The following TRPM3 variants were observed in gnomAD, a reference collection of about 807,000 sequenced individuals.
TRPM3 encodes long transient receptor potential channel 3.
In TRPM3, 77 loss-of-function variants were observed where a neutral mutation model predicts 181.2. The ratio of observed to expected loss-of-function variants is 0.42; its 90% CI spans 0.35 to 0.51. The LOEUF is 0.51. Ranked by LOEUF, TRPM3 falls within the 20% of genes least tolerant of loss-of-function variation. The pLI, the probability that TRPM3 is intolerant of heterozygous loss-of-function variation, is 0.01. For missense variants in TRPM3, 1,759 were observed against 2,196.7 expected (o/e 0.80, Z 3.98); for synonymous variants, 745 against 796.4 (o/e 0.94, Z 1.09).
rs1587924250 is a variant in TRPM3 at position 70,530,956 on chromosome 9, C to T, written c.*4997G>A. 1 of 152,164 alleles carries T rather than the reference C, an allele frequency of 6.6e-6. No homozygotes were observed. Among genetic ancestry groups the T allele is most frequent in the Non-Finnish European group, 1.5e-5 (1 of 68,020 alleles). 9.4% of individuals were successfully genotyped at this position (152,164 alleles called of 1,614,324 possible). A position where few individuals can be genotyped will look rare whatever the true frequency, so the allele number is the denominator to read the frequency against. ...AAAGAGTAAACTCTTTAGAACCACC[C>T]AGTGCTTCATCAGACACCCAAACAC... On this transcript the variant is annotated 3_prime_UTR_variant, in exon 26 of 26. Coordinates refer to ENST00000677713, the MANE Select transcript of TRPM3 (RefSeq NM_001366145.2).
intron 1 of TRPM3, among the ~76,000 whole-genome samples, chr9:71,350,282 A>G (rs549553192): frequency 6.6e-6 from 1 of 152,194 alleles, no homozygotes; most frequent in Non-Finnish European, 1.5e-5. Context: ...AATCATGACA[A>G]CAGAACTGTA....
intron 1 of TRPM3, among the ~76,000 whole-genome samples, chr9:71,333,541 T>A (rs1246852812): frequency 2.0e-5 from 3 of 152,004 alleles, no homozygotes; most frequent in Non-Finnish European, 4.4e-5. Flanking sequence ...AGTTGCCCTG[T>A]GGGGAGGCCC....
chr9:71,357,599 G>A (rs1287950446), intron 1 of TRPM3, among the ~76,000 whole-genome samples: 1 of 152,000 alleles, frequency 6.6e-6, no homozygotes, highest in East Asian at 1.9e-4. Flanking sequence ...GCAGGATTTG[G>A]GAACACTGTC....
chr9:70,641,054 C>T (rs1335252565), intron 9 of TRPM3, among the ~76,000 whole-genome samples: 6 of 152,074 alleles, frequency 3.9e-5, no homozygotes, highest in African/African-American at 1.4e-4. Context: ...CATTTTCCCA[C>T]CCCCATCCTT....
chr9:71,270,566 A>G (rs1050707495), intron 1 of TRPM3, among the ~76,000 whole-genome samples: 1 of 152,120 alleles, frequency 6.6e-6, no homozygotes, highest in Non-Finnish European at 1.5e-5. Context: ...CCTTTAATAG[A>G]AAGCCCTCCT....
At chr9:71,287,645 A>G (rs534822454) in intron 1 of TRPM3, among the ~76,000 whole-genome samples, 93 of 152,132 alleles carry the variant, frequency 6.1e-4, no homozygotes, top group Non-Finnish European at 1.2e-3. Flanking sequence ...CAGAAAAAAA[A>G]AAAAAGCCTG....
In TRPM3 at chr9:70,553,040, A is replaced by G; in HGVS notation, c.3378T>C (p.Asn1126=). 6.2e-7 allele frequency: 1 copy of G among 1,614,186 alleles called. No individual in the cohort carries two copies. The highest frequency in any genetic ancestry group is 8.5e-7 in the Non-Finnish European group (1 of 1,180,012). Residue 1126 remains asparagine, a synonymous_variant, in exon 24 of 26, where the codon AAT becomes AAC. Coordinates refer to ENST00000677713, the MANE Select transcript of TRPM3 (RefSeq NM_001366145.2). ...ATATCGATTTTACTTCAAAAAATGT[A>G]TTGCTAAAATAGAGACCAAAGAGAA... ...LVNLLIAVFN[N]TFFEVKSISN... is the part of the protein sequence containing the mutation.
At chr9:70,622,179 A>G (rs186559414) in intron 14 of TRPM3, among the ~76,000 whole-genome samples, 16 of 152,284 alleles carry the variant, frequency 1.1e-4, no homozygotes, top group African/African-American at 3.8e-4. Context: ...GTCACTATGA[A>G]TGAGGAAGCA....
chr9:70,757,794 A>C (rs554625256), intron 8 of TRPM3, among the ~76,000 whole-genome samples: 44 of 152,346 alleles, frequency 2.9e-4, no homozygotes, highest in South Asian at 2.3e-3. Flanking sequence ...TCATGCTAAA[A>C]ACTCTCAGTA....
rs1481291732 is a variant in TRPM3, at chr9:70,912,194, G to A, written c.178-47683C>T. 2.0e-5 allele frequency among the ~76,000 whole-genome samples: 3 copies of A among 152,160 alleles called. No homozygotes were observed. In the East Asian group the frequency reaches 5.8e-4, roughly 29 times the overall value. Reference sequence around the variant, plus strand: ...AGAAGGGGCAAATAAATATTTAAAAGGATAAATGTAATCTTCTCCAAGAAT... The same window carrying A: ...AGAAGGGGCAAATAAATATTTAAAAAGATAAATGTAATCTTCTCCAAGAAT... On this transcript the variant is annotated intron_variant, in intron 1 of 25. Transcript: ENST00000677713.
rs1405302921 is a variant in TRPM3 at position 70,535,387 on chromosome 9, G to C, written c.*566C>G. ...TGATCAATTACAGAAGTGTTGGCAT[G>C]AGAAGGATGTGGGACGTTAGGTAGA... On this transcript the variant is annotated 3_prime_UTR_variant, in exon 26 of 26. Coordinates refer to ENST00000677713, the MANE Select transcript of TRPM3 (RefSeq NM_001366145.2). 2.6e-6 allele frequency: 4 copies of C among 1,546,398 alleles called. No homozygotes were observed. In the African/African-American group the frequency reaches 5.5e-5, roughly 21 times the overall value.
In TRPM3 at chr9:70,998,283, C is replaced by T. The variant is rs551862235; in HGVS notation, c.177+122895G>A. Among the ~76,000 whole-genome samples the T allele has an allele frequency of 2.3e-4, 33 of 144,722 alleles. 1 individual carries two copies. Among genetic ancestry groups the T allele is most frequent in the African/African-American group, 7.6e-4 (30 of 39,618 alleles). The allele number at this position is 144,722 out of a possible 152,430, so 94.9% of individuals were successfully genotyped here. A position where few individuals can be genotyped will look rare whatever the true frequency, so the allele number is the denominator to read the frequency against. On this transcript the variant is annotated intron_variant, in intron 1 of 25. Transcript: ENST00000677713. ...TATATATATTTTTTTTAGTATTTTTCTTACCTGACATAACCTCTTTTACCA... is the reference window on the plus strand; with the variant it reads ...TATATATATTTTTTTTAGTATTTTTTTTACCTGACATAACCTCTTTTACCA...
intron 1 of TRPM3, among the ~76,000 whole-genome samples, chr9:71,293,114 A>G (rs1046672144): frequency 6.6e-6 from 1 of 151,934 alleles, no homozygotes; most frequent in African/African-American, 2.4e-5. Flanking sequence ...CATAATAAAA[A>G]CTTTTTAAAA....
At chr9:70,812,265 G>A (rs2092173509) in intron 6 of TRPM3, among the ~76,000 whole-genome samples, 1 of 152,248 alleles carries the variant, frequency 6.6e-6, no homozygotes, top group Non-Finnish European at 1.5e-5. Flanking sequence ...ATATTGGGAA[G>A]TAGGAGTTTG....
chr9:71,403,793 T>G (rs2093386180), intron 1 of TRPM3, among the ~76,000 whole-genome samples: 1 of 150,608 alleles, frequency 6.6e-6, no homozygotes, highest in South Asian at 2.1e-4. Context: ...GGAGACACCA[T>G]CAAAAGAGCT....
chr9:71,425,968 C>T (rs912027010), intron 1 of TRPM3, among the ~76,000 whole-genome samples: 4 of 152,090 alleles, frequency 2.6e-5, no homozygotes, highest in African/African-American at 9.7e-5. Context: ...TTTCTCCACC[C>T]TTAGATTATA....
At chr9:71,157,483 C>T (rs542362573) in intron 1 of TRPM3, among the ~76,000 whole-genome samples, 15 of 152,184 alleles carry the variant, frequency 9.9e-5, no homozygotes, top group African/African-American at 2.2e-4. Flanking sequence ...TTGTCCAGTG[C>T]GTGCCTCTTC....
At chr9:71,061,750 G>A (rs911923956) in intron 1 of TRPM3, among the ~76,000 whole-genome samples, 2 of 152,016 alleles carry the variant, frequency 1.3e-5, no homozygotes, top group Admixed American at 6.6e-5. Context: ...GAGATCTCTT[G>A]GAAGCTTGTG....
Position 70,549,565 on chromosome 9 carries a change from C to G in TRPM3, c.3684G>C (p.Glu1228Asp). The G allele has an allele frequency of 6.2e-7, 1 of 1,613,606 alleles. No homozygotes were observed. The highest frequency in any genetic ancestry group is 8.5e-7 in the Non-Finnish European group (1 of 1,179,818). Residue 1228 changes from glutamate (E) to aspartate (D), a missense_variant, in exon 25 of 26, where the codon GAG (glutamate) becomes GAC (aspartate). Glu to Asp is a conservative substitution (Grantham distance 45, BLOSUM62 2). Coordinates refer to ENST00000677713, the MANE Select transcript of TRPM3 (RefSeq NM_001366145.2). Reference sequence around the variant, plus strand: ...ACCTTTCTGAAGTCACCCGTATCCTCTCATCATTAGATGAGTTGAACCGAT... The same window carrying G: ...ACCTTTCTGAAGTCACCCGTATCCTGTCATCATTAGATGAGTTGAACCGAT... ...KDDRFNSSND[E>D]RIRVTSERVE...
Sources: gnomAD v4.1 joint callset for allele counts (sites outside exome capture counted in the v4.1 genomes callset) on GRCh38, gnomAD v4.1.1 for gene constraint, MANE v1.5 for transcripts, NCBI Gene and HGNC (gene_info 2026-07-23, HGNC 2026-07-21) for gene names.